The following RDH13 variants were observed in gnomAD, a reference collection of about 807,000 sequenced individuals.
RDH13 encodes the protein retinol dehydrogenase 13, also known as retinol dehydrogenase 13 (all-trans and 9-cis).
RDH13 carries 35 observed loss-of-function variants against 28.3 expected under a neutral mutation model. The observed-to-expected ratio is 1.24, with a 90% confidence interval of 0.95 to 1.64. The LOEUF (loss-of-function observed/expected upper bound fraction) is 1.64, where lower values mean the gene tolerates loss of function less well. Among genes scored for constraint, RDH13 ranks in the 40% most tolerant of loss-of-function variants. RDH13 has a pLI of 0.00. For missense variants in RDH13, 514 were observed against 446.3 expected (o/e 1.15, Z -1.37); for synonymous variants, 229 against 198.5 (o/e 1.15, Z -1.29).
At chr19:55,055,913 G>C (rs576968429) in intron 3 of RDH13, among the ~76,000 whole-genome samples, 95 of 152,054 alleles carry the variant, frequency 6.2e-4, no homozygotes, top group African/African-American at 2.2e-3. Flanking sequence ...AGCACTTTGG[G>C]AGGCCAAGGG....
upstream of RDH13, among the ~76,000 whole-genome samples, chr19:55,064,689 T>A (rs1039903102): frequency 6.7e-6 from 1 of 149,808 alleles, no homozygotes; most frequent in African/African-American, 2.5e-5. Context: ...CTCAGCTCAC[T>A]GCAACCTCTG....
intron 2 of RDH13, among the ~76,000 whole-genome samples, chr19:55,058,508 A>G (rs894640604): frequency 4.0e-5 from 6 of 151,116 alleles, no homozygotes; most frequent in Non-Finnish European, 8.8e-5. Flanking sequence ...GTAACTCCCC[A>G]TTCTCCCCTC....
downstream of RDH13, chr19:55,044,150 C>T (rs2075119376): frequency 6.6e-6 from 1 of 152,030 alleles, no homozygotes; most frequent in South Asian, 2.1e-4. Flanking sequence ...GATCTCCTGA[C>T]CTCGTGATCC....
At chr19:55,052,840 TC>T (rs1159728523) in intron 3 of RDH13, among the ~76,000 whole-genome samples, 1 of 151,906 alleles carries the variant, frequency 6.6e-6, no homozygotes, top group Non-Finnish European at 1.5e-5. Context: ...TTTTTGTGTT[TC>T]TTAGTAGACA....
At chr19:55,041,094 C>T (rs1277176665), downstream of RDH13, 1 of 152,282 alleles carries the variant, frequency 6.6e-6, no homozygotes, top group African/African-American at 2.4e-5. Flanking sequence ...CCACTGCACT[C>T]CAGCCTGGGC....
In RDH13 at chr19:55,059,143, A is replaced by C; in HGVS notation, c.184+14T>G. 1.3e-6 allele frequency: 2 copies of C among 1,501,854 alleles called. No individual in the cohort carries two copies. Among genetic ancestry groups the C allele is most frequent in the South Asian group, 2.4e-5 (2 of 84,314 alleles). 93.0% of individuals were successfully genotyped at this position (1,501,854 alleles called of 1,614,324 possible). A position where few individuals can be genotyped will look rare whatever the true frequency, so the allele number is the denominator to read the frequency against. On this transcript the variant is annotated intron_variant, in intron 2 of 6. Transcript: ENST00000415061. ...CAGATATCTCTCTGAGAGCCAAAGC[A>C]GGGGAGATTTTACCTCTCCTGGCCA...
intron 3 of RDH13, among the ~76,000 whole-genome samples, chr19:55,055,938 A>C (rs556163831): frequency 1.2e-4 from 18 of 152,160 alleles, no homozygotes; most frequent in African/African-American, 4.1e-4. Flanking sequence ...AGATCACCTG[A>C]GGTCAGGAGT....
chr19:55,067,986 GTCTCATATCTC>G (rs975676090), upstream of RDH13, among the ~76,000 whole-genome samples: 1 of 135,026 alleles, frequency 7.4e-6, no homozygotes, highest in African/African-American at 2.9e-5. Context: ...TCTCTTCTCT[GTCTCATATCTC>G]TCTCATTGCT....
rs779529057 is a variant in RDH13 at position 55,048,708 on chromosome 19, G to T, written c.396C>A (p.His132Gln). Residue 132 changes from histidine to glutamine, a missense_variant, in exon 4 of 7, where the codon CAC becomes CAA. His to Gln is a conservative substitution (Grantham distance 24). Transcript: ENST00000415061. ...INNAGVMRCP[H>Q]WTTEDGFEMQ... ...TCTCGAAGCCGTCCTCGGTGGTCCA[G>T]TGGGGGCACCGCATCACACCCGCGT... 5 of 1,613,892 alleles carry T rather than the reference G, an allele frequency of 3.1e-6. No individual in the cohort carries two copies. Among genetic ancestry groups the T allele is most frequent in the Non-Finnish European group, 1.7e-6 (2 of 1,179,992 alleles).
chr19:55,064,330 A>G (rs1387724919), upstream of RDH13: 1 of 151,994 alleles, frequency 6.6e-6, no homozygotes, highest in Non-Finnish European at 1.5e-5. Flanking sequence ...CCGAAGCAGG[A>G]GCATCACTTG....
chr19:55,041,956 A>AAGAT (rs1385237068), downstream of RDH13: 5 of 152,206 alleles, frequency 3.3e-5, no homozygotes, highest in African/African-American at 1.2e-4. Flanking sequence ...GATATGAATG[A>AAGAT]AGATAGAGCA....
At chr19:55,060,040 C>T (rs1051254157) in intron 1 of RDH13, among the ~76,000 whole-genome samples, 10 of 152,120 alleles carry the variant, frequency 6.6e-5, no homozygotes, top group Non-Finnish European at 4.4e-5. Flanking sequence ...GAGTATTGTC[C>T]AAGGTTTCTC....
At chr19:55,041,960 T>G (rs2075043051), downstream of RDH13, 1 of 151,984 alleles carries the variant, frequency 6.6e-6, no homozygotes, top group South Asian at 2.1e-4. Context: ...TGAATGAAGA[T>G]AGAGCACTTC....
chr19:55,061,956 A>G (rs2075819970), intron 1 of RDH13, among the ~76,000 whole-genome samples: 2 of 152,090 alleles, frequency 1.3e-5, no homozygotes, highest in Admixed American at 1.3e-4. Context: ...CGTCTCTACT[A>G]AAAATACAAA....
Position 55,045,946 on chromosome 19 carries a change from C to CAAAAA in RDH13, c.761-642_761-638dup, listed in dbSNP as rs11356856. On this transcript the variant is annotated intron_variant, in intron 6 of 6. Transcript: ENST00000415061. ...GGGTGACAATAGCAAGACTTCGTCTCAAAAAAAAAAAAAAAAAAGGGCTGG... is the reference window on the plus strand; with the variant it reads ...GGGTGACAATAGCAAGACTTCGTCTCAAAAAAAAAAAAAAAAAAAAAAAGGGCTGG... 1.0e-3 allele frequency among the ~76,000 whole-genome samples: 89 copies of CAAAAA among 89,372 alleles called. No individual in the cohort carries two copies. In the East Asian group the frequency reaches 0.019, roughly 20 times the overall value. 58.6% of individuals were successfully genotyped at this position (89,372 alleles called of 152,430 possible). A position where few individuals can be genotyped will look rare whatever the true frequency, so the allele number is the denominator to read the frequency against.
At chr19:55,067,779 A>T (rs961360944), upstream of RDH13, 1 of 152,230 alleles carries the variant, frequency 6.6e-6, no homozygotes, top group Non-Finnish European at 1.5e-5. Flanking sequence ...CCCACCAGGG[A>T]AAGTCAACCA....
chr19:55,058,921 C>T (rs1179716694), intron 2 of RDH13, among the ~76,000 whole-genome samples: 4 of 152,212 alleles, frequency 2.6e-5, no homozygotes, highest in African/African-American at 7.2e-5. Flanking sequence ...CCTCGTGATC[C>T]GCCAGCTTTG....
chr19:55,057,186 G>A (rs1256157171), intron 2 of RDH13, among the ~76,000 whole-genome samples: 1 of 152,094 alleles, frequency 6.6e-6, no homozygotes, highest in Non-Finnish European at 1.5e-5. Flanking sequence ...CCCAGAATAG[G>A]CAAATCCATA....
intron 2 of RDH13, among the ~76,000 whole-genome samples, chr19:55,057,836 T>C (rs1423898635): frequency 6.7e-6 from 1 of 149,292 alleles, no homozygotes; most frequent in Non-Finnish European, 1.5e-5. Flanking sequence ...TGAGTCAGTC[T>C]CACTCTGCTG....
Sources: gnomAD v4.1 joint callset for allele counts (sites outside exome capture counted in the v4.1 genomes callset) on GRCh38, gnomAD v4.1.1 for gene constraint, MANE v1.5 for transcripts, NCBI Gene and HGNC (gene_info 2026-07-23, HGNC 2026-07-21) for gene names.